TPR: variants seen among roughly 807,000 people sequenced by gnomAD.
TPR encodes translocated promoter region, nuclear basket protein.
A neutral mutation model predicts 316.1 loss-of-function variants in TPR; 51 were observed. The ratio of observed to expected loss-of-function variants is 0.16; its 90% CI spans 0.13 to 0.20. The LOEUF (loss-of-function observed/expected upper bound fraction) is 0.20. TPR is among the 10% of genes least tolerant of loss of function. The pLI, the probability that TPR is intolerant of heterozygous loss-of-function variation, is 1.00. For missense variants in TPR, 2,272 were observed against 2,754.8 expected (o/e 0.82, Z 3.92); for synonymous variants, 981 against 914.7 (o/e 1.07, Z -1.31).
chr1:186,332,449 T>G, intron 37 of TPR, 106 bp from the exon 38 acceptor site: 1 of 1,179,202 alleles, frequency 8.5e-7, no homozygotes. Flanking sequence ...ACAGTAAACA[T>G]TTAATTGTAC....
intron 45 of TPR, among the ~76,000 whole-genome samples, chr1:186,321,063 C>G (rs1657762651): frequency 6.6e-6 from 1 of 152,110 alleles, no homozygotes; most frequent in African/African-American, 2.4e-5. Context: ...TCTAGAGGCA[C>G]AGGGGTAGTG....
intron 34 of TPR, 102 bp from the exon 35 acceptor site, chr1:186,335,231 G>A: frequency 6.5e-7 from 1 of 1,547,680 alleles, no homozygotes; most frequent in Non-Finnish European, 8.8e-7. Context: ...CGCATATATT[G>A]AATTTTAGCC....
rs1207137937 is a variant in TPR at position 186,357,631 on chromosome 1, C to T, written c.1498-8G>A. 1.2e-6 allele frequency: 2 copies of T among 1,607,708 alleles called. No individual in the cohort carries two copies. On this transcript the variant is annotated splice_polypyrimidine_tract_variant and splice_region_variant and intron_variant, in intron 13 of 50. Transcript: ENST00000367478. ...CATCAAAAGCACTCTAATCTAAAAACAAAGTTTTAATATGTTATAAAATAG... is the reference window on the plus strand; with the variant it reads ...CATCAAAAGCACTCTAATCTAAAAATAAAGTTTTAATATGTTATAAAATAG...
Position 186,360,322 on chromosome 1 carries a change from G to A in TPR, c.1142C>T (p.Thr381Ile). The A allele has an allele frequency of 6.2e-7, 1 of 1,613,482 alleles. No individual in the cohort carries two copies. Among genetic ancestry groups the A allele is most frequent in the Non-Finnish European group, 8.5e-7 (1 of 1,179,522 alleles). The change falls in exon 11 of 51, where the codon ACT becomes ATT. Residue 381 changes from threonine (T) to isoleucine (I), a missense_variant. Coordinates refer to ENST00000367478, the MANE Select transcript of TPR (RefSeq NM_003292.3). ...CACTATCTTAGCTACAGCTGCTGCAGTAGGAGACATGGCGGCAAGCTCTTC... is the reference window on the plus strand; with the variant it reads ...CACTATCTTAGCTACAGCTGCTGCAATAGGAGACATGGCGGCAAGCTCTTC... ...SEEELAAMSPTAAAVAKIVKP... is the reference protein window; with the variant it reads ...SEEELAAMSPIAAAVAKIVKP...
intron 50 of TPR, 134 bp downstream of exon 50, chr1:186,314,495 T>A (rs941334879): frequency 1.7e-6 from 1 of 577,702 alleles, no homozygotes; most frequent in Admixed American, 3.6e-5. Flanking sequence ...AAATATCACC[T>A]GCTCAACATG....
chr1:186,317,226 C>T (rs1394424324), intron 49 of TPR, among the ~76,000 whole-genome samples: 3 of 152,178 alleles, frequency 2.0e-5, no homozygotes, highest in Non-Finnish European at 2.9e-5. Flanking sequence ...AACCAATAGT[C>T]TAGATGAAAC....
chr1:186,315,965 A>T (rs1301190362), intron 49 of TPR, among the ~76,000 whole-genome samples: 1 of 150,650 alleles, frequency 6.6e-6, no homozygotes, highest in Non-Finnish European at 1.5e-5. Context: ...CTTCCTATGA[A>T]ACTGCCTGCT....
intron 2 of TPR, among the ~76,000 whole-genome samples, chr1:186,372,540 T>C (rs1659565512): frequency 6.6e-6 from 1 of 151,220 alleles, no homozygotes; most frequent in South Asian, 2.1e-4. Context: ...AGACTCTGTC[T>C]CCAAAAAAAA....
intron 36 of TPR, among the ~76,000 whole-genome samples, chr1:186,333,610 C>A (rs1658244307): frequency 1.3e-5 from 2 of 152,128 alleles, no homozygotes; most frequent in Admixed American, 6.6e-5. Flanking sequence ...AAATAAATAT[C>A]TGTAACTGAT....
At chr1:186,369,774 A>G (rs1224928641) in intron 3 of TPR, among the ~76,000 whole-genome samples, 1 of 152,170 alleles carries the variant, frequency 6.6e-6, no homozygotes, top group East Asian at 1.9e-4. Context: ...GTCCAGTACT[A>G]TACTGAATAC....
intron 4 of TPR, among the ~76,000 whole-genome samples, 167 bp downstream of exon 4, chr1:186,367,719 C>G (rs1659391340): frequency 6.6e-6 from 1 of 152,062 alleles, no homozygotes; most frequent in Non-Finnish European, 1.5e-5. Context: ...AAACACTTGA[C>G]AATGATTTAA....
intron 17 of TPR, among the ~76,000 whole-genome samples, chr1:186,354,642 ACAAG>A (rs1395620807): frequency 6.6e-6 from 1 of 152,204 alleles, no homozygotes; most frequent in Non-Finnish European, 1.5e-5. Flanking sequence ...AACTAAACTA[ACAAG>A]CATTCAATGA....
At chr1:186,330,398 AC>A (rs1010256062) in intron 39 of TPR, among the ~76,000 whole-genome samples, 5 of 152,106 alleles carry the variant, frequency 3.3e-5, no homozygotes, top group African/African-American at 1.2e-4. Context: ...GCTAGTTTCA[AC>A]CTGCTTAAAG....
chr1:186,329,334 T>A (rs573068060), intron 39 of TPR, among the ~76,000 whole-genome samples: 1 of 152,338 alleles, frequency 6.6e-6, no homozygotes, highest in South Asian at 2.1e-4. Context: ...TATAGTACGC[T>A]CTGAATAAGT....
chr1:186,314,864 G>A (rs1290672561), intron 49 of TPR, 140 bp from the exon 50 acceptor site: 3 of 530,484 alleles, frequency 5.7e-6, no homozygotes. Flanking sequence ...TTCAAACAAT[G>A]AGGAACATTT....
intron 40 of TPR, 35 bp from the exon 41 acceptor site, chr1:186,326,270 T>C: frequency 3.8e-6 from 6 of 1,571,778 alleles, no homozygotes; most frequent in Non-Finnish European, 5.2e-6. Flanking sequence ...AATAAAAGTT[T>C]AGAATATGGC....
Position 186,320,418 on chromosome 1 carries a change from A to G in TPR, c.6462T>C (p.His2154=), listed in dbSNP as rs376705651. ...HRTDGFAEAI[H]SPQVAGVPRF... is the part of the protein sequence containing the mutation. ...TAGGGACACCAGCAACCTGCGGCGA[A>G]CTAAATGGACAAAAACTAATTTAAG... is the stretch of plus-strand genomic sequence containing the variant. The change falls in exon 46 of 51, where the codon CAT becomes CAC. Residue 2154 remains histidine (H), a splice_region_variant and synonymous_variant. Coordinates refer to ENST00000367478, the MANE Select transcript of TPR (RefSeq NM_003292.3). 7.4e-5 allele frequency: 119 copies of G among 1,604,702 alleles called. No individual in the cohort carries two copies. Among genetic ancestry groups the G allele is most frequent in the Non-Finnish European group, 9.8e-5 (115 of 1,175,226 alleles).
chr1:186,338,628 T>C (rs1400597065), intron 30 of TPR, among the ~76,000 whole-genome samples: 1 of 152,246 alleles, frequency 6.6e-6, no homozygotes, highest in Non-Finnish European at 1.5e-5. Context: ...AATGTTATGC[T>C]TTGCAAGCCA....
intron 20 of TPR, 75 bp from the exon 21 acceptor site, chr1:186,350,463 C>A: frequency 8.7e-7 from 1 of 1,145,546 alleles, no homozygotes; most frequent in Non-Finnish European, 1.2e-6. Flanking sequence ...TTTTTATAGA[C>A]CTTTGGAGCT....
Sources: gnomAD v4.1 joint callset for allele counts (sites outside exome capture counted in the v4.1 genomes callset) on GRCh38, gnomAD v4.1.1 for gene constraint, MANE v1.5 for transcripts, NCBI Gene and HGNC (gene_info 2026-07-23, HGNC 2026-07-21) for gene names.